SYTL3: variants seen among roughly 807,000 people sequenced by gnomAD.
SYTL3 encodes the protein synaptotagmin like 3.
In SYTL3, 88 loss-of-function variants were observed where a neutral mutation model predicts 82.1. That is an observed-to-expected ratio of 1.07 (90% CI 0.90 to 1.28). The LOEUF is 1.28. Ranked by LOEUF, SYTL3 falls within the 50% of genes most tolerant of loss-of-function variation. The pLI is 0.00. For synonymous variants in SYTL3, 311 were observed against 289.4 expected (o/e 1.07, Z -0.76); for missense variants, 831 against 757.6 (o/e 1.10, Z -1.14).
chr6:158,739,679 C>T (rs1786672108), intron 11 of SYTL3, among the ~76,000 whole-genome samples: 1 of 152,030 alleles, frequency 6.6e-6, no homozygotes, highest in Admixed American at 6.6e-5. Context: ...CACTGCATCC[C>T]AGAACTCTTG....
At chr6:158,677,629 C>T (rs1352144371) in intron 5 of SYTL3, among the ~76,000 whole-genome samples, 2 of 142,476 alleles carry the variant, frequency 1.4e-5, no homozygotes, top group African/African-American at 2.6e-5. Flanking sequence ...CACTTGAACC[C>T]GGGAGGCAGA....
intron 8 of SYTL3, among the ~76,000 whole-genome samples, chr6:158,709,581 A>G (rs1782532621): frequency 6.6e-6 from 1 of 152,110 alleles, no homozygotes; most frequent in Admixed American, 6.5e-5. Context: ...GTACTTGGAA[A>G]ACCGTAAAGT....
intron 8 of SYTL3, 55 bp downstream of exon 8, chr6:158,708,446 G>C: frequency 6.7e-7 from 1 of 1,499,122 alleles, no homozygotes; most frequent in Non-Finnish European, 9.2e-7. Context: ...TAGAAGGAGA[G>C]GAAGCAGGGG....
At chr6:158,754,677 A>G (rs1327073406) in intron 13 of SYTL3, among the ~76,000 whole-genome samples, 2 of 152,204 alleles carry the variant, frequency 1.3e-5, no homozygotes, top group African/African-American at 4.8e-5. Flanking sequence ...CTGAGATCAC[A>G]CCACTGCACT....
intron 5 of SYTL3, among the ~76,000 whole-genome samples, chr6:158,667,856 A>C (rs1398111881): frequency 6.6e-6 from 1 of 152,102 alleles, no homozygotes; most frequent in Non-Finnish European, 1.5e-5. Flanking sequence ...ATTTAAGATA[A>C]AGTTTCTGTC....
intron 6 of SYTL3, among the ~76,000 whole-genome samples, chr6:158,699,593 T>C (rs1284903419): frequency 6.6e-6 from 1 of 152,142 alleles, no homozygotes; most frequent in Non-Finnish European, 1.5e-5. Context: ...CTCACAGTGC[T>C]GTGAGCCCTG....
intron 11 of SYTL3, among the ~76,000 whole-genome samples, chr6:158,732,816 A>T (rs895279274): frequency 4.6e-5 from 7 of 152,356 alleles, no homozygotes; most frequent in Admixed American, 1.3e-4. Flanking sequence ...ACACTCTGCC[A>T]AATAATTAAA....
At chr6:158,679,029 T>C (rs533239526) in intron 5 of SYTL3, among the ~76,000 whole-genome samples, 1 of 152,284 alleles carries the variant, frequency 6.6e-6, no homozygotes, top group East Asian at 1.9e-4. Flanking sequence ...ACAGGATCTA[T>C]CACCTCTATC....
At chr6:158,708,233 A>G in intron 7 of SYTL3, 89 bp from the exon 8 acceptor site, 1 of 1,189,444 alleles carries the variant, frequency 8.4e-7, no homozygotes, top group Non-Finnish European at 1.3e-6. Flanking sequence ...AACTAGAATT[A>G]TAGAATAATG....
chr6:158,736,531 G>A (rs1012101729), intron 11 of SYTL3, among the ~76,000 whole-genome samples: 1 of 152,066 alleles, frequency 6.6e-6, no homozygotes, highest in Non-Finnish European at 1.5e-5. Flanking sequence ...GCTTATGCCT[G>A]TAATCCCAGC....
intron 6 of SYTL3, among the ~76,000 whole-genome samples, chr6:158,706,442 A>C (rs1392197862): frequency 1.3e-5 from 2 of 152,082 alleles, no homozygotes; most frequent in South Asian, 2.1e-4. Context: ...GTTTTTTTGG[A>C]ATGGCTGAAA....
intron 16 of SYTL3, 146 bp downstream of exon 16, chr6:158,762,324 A>C: frequency 1.6e-6 from 1 of 612,582 alleles, no homozygotes; most frequent in Non-Finnish European, 2.8e-6. Context: ...ACACATATTA[A>C]AGACCCTGAT....
At chr6:158,660,492 G>A (rs1181993399) in intron 2 of SYTL3, among the ~76,000 whole-genome samples, 1 of 152,234 alleles carries the variant, frequency 6.6e-6, no homozygotes, top group Admixed American at 6.5e-5. Flanking sequence ...GCGGGGGTTT[G>A]GGAAAGTAAG....
At chr6:158,661,792 G>T (rs1279781622) in intron 3 of SYTL3, among the ~76,000 whole-genome samples, 2 of 152,164 alleles carry the variant, frequency 1.3e-5, no homozygotes, top group Non-Finnish European at 2.9e-5. Context: ...CATACCACAT[G>T]ATATGTTGTA....
rs528038402 is a variant in SYTL3, at chr6:158,746,594, C to G, written c.1034+936C>G. ...GATTCTCCTGCCTCAGTCTCCTGAGCATCTGGGACTACAGGCGTGCACCAC... is the reference window on the plus strand; with the variant it reads ...GATTCTCCTGCCTCAGTCTCCTGAGGATCTGGGACTACAGGCGTGCACCAC... On this transcript the variant is annotated intron_variant, in intron 12 of 17. Transcript: ENST00000611299. Among the ~76,000 whole-genome samples the G allele has an allele frequency of 2.7e-4, 41 of 151,298 alleles. 2 individuals carry two copies. In the East Asian group the frequency reaches 7.1e-3, roughly 26 times the overall value.
upstream of SYTL3, among the ~76,000 whole-genome samples, chr6:158,647,546 T>C (rs1787559842): frequency 6.6e-6 from 1 of 152,248 alleles, no homozygotes. Context: ...TATGTGATGT[T>C]GTAGTGCTTG....
intron 10 of SYTL3, among the ~76,000 whole-genome samples, chr6:158,719,641 C>G (rs577547734): frequency 6.6e-5 from 10 of 152,344 alleles, no homozygotes; most frequent in African/African-American, 2.4e-4. Flanking sequence ...CCTCCGAACT[C>G]CCTCCGGGGA....
intron 8 of SYTL3, among the ~76,000 whole-genome samples, chr6:158,710,359 A>G (rs1052627045): frequency 1.3e-5 from 2 of 152,226 alleles, no homozygotes; most frequent in Non-Finnish European, 2.9e-5. Context: ...CATTGCATAT[A>G]CAGTCACCCA....
intron 17 of SYTL3, among the ~76,000 whole-genome samples, chr6:158,763,910 G>A (rs997830332): frequency 3.9e-5 from 6 of 152,314 alleles, no homozygotes; most frequent in Middle Eastern, 3.4e-3. Flanking sequence ...GCAGGGCACC[G>A]CCGGCATGGT....
Sources: allele counts gnomAD v4.1 joint callset (sites outside exome capture counted in the v4.1 genomes callset), GRCh38; gene constraint gnomAD v4.1.1; transcripts MANE v1.5; gene names NCBI Gene and HGNC (gene_info 2026-07-23, HGNC 2026-07-21).